Variants in ICE2 observed in about 807,000 individuals in gnomAD.
ICE2 encodes the protein little elongation complex subunit 2.
Under a neutral mutation model 105.4 loss-of-function variants are expected in ICE2, and 87 were observed. That is an observed-to-expected ratio of 0.83 (90% confidence interval 0.69 to 0.99). The LOEUF is 0.99. Among genes scored for constraint, ICE2 ranks in the 50% least tolerant of loss-of-function variants. The probability of loss-of-function intolerance (pLI) is 0.00; values close to 1 mark genes in which losing one functional copy is unlikely to be tolerated. For missense variants in ICE2, 1,323 were observed against 1,146.7 expected (o/e 1.15, Z -2.22); for synonymous variants, 399 against 392.0 (o/e 1.02, Z -0.21).
chr15:60,449,274 C>G lies in ICE2; in HGVS notation c.1693G>C (p.Asp565His), dbSNP rs1265148879. 1 of 1,613,376 alleles carries G rather than the reference C, an allele frequency of 6.2e-7. No individual in the cohort carries two copies. Among genetic ancestry groups the G allele is most frequent in the South Asian group, 1.1e-5 (1 of 91,052 alleles). ...TVGSEAAKTE[D>H]TVLCSSDTDE... is the part of the protein sequence containing the mutation. ...GTATCACTGCTGCAGAGAACTGTATCTTCAGTTTTTGCTGCTTCTGATCCA... is the reference window on the plus strand; with the variant it reads ...GTATCACTGCTGCAGAGAACTGTATGTTCAGTTTTTGCTGCTTCTGATCCA... Residue 565 changes from aspartate to histidine, a missense_variant, in exon 10 of 16, where the codon GAT (aspartate) becomes CAT (histidine). Asp to His is a moderately conservative substitution (Grantham distance 81). Coordinates refer to ENST00000261520, the MANE Select transcript of ICE2 (RefSeq NM_024611.6).
chr15:60,453,210 T>C, intron 9 of ICE2: 1 of 997,548 alleles, frequency 1.0e-6, no homozygotes, highest in African/African-American at 1.7e-5. Context: ...CCAGCCTGGG[T>C]GGCAGGGTGA....
At chr15:60,455,761 G>C (rs1040462597) in intron 6 of ICE2, among the ~76,000 whole-genome samples, 1 of 152,192 alleles carries the variant, frequency 6.6e-6, no homozygotes, top group East Asian at 1.9e-4. Flanking sequence ...GGGATAACAG[G>C]TGTGTGCCAG....
intron 9 of ICE2, chr15:60,452,751 T>C: frequency 1.9e-6 from 1 of 516,116 alleles, no homozygotes. Context: ...CATTTAAACC[T>C]AAACAATCCT....
intron 5 of ICE2, among the ~76,000 whole-genome samples, chr15:60,457,054 AAGAAACT>A (rs923719905): frequency 7.9e-5 from 12 of 152,164 alleles, no homozygotes; most frequent in African/African-American, 2.2e-4. Context: ...CATGTCATTT[AAGAAACT>A]GTTAAAGGCA....
In ICE2 at chr15:60,449,679, C is replaced by A. The variant is rs2063914526; in HGVS notation, c.1288G>T (p.Asp430Tyr). The A allele has an allele frequency of 6.2e-7, 1 of 1,613,988 alleles. No individual in the cohort carries two copies. Among genetic ancestry groups the A allele is most frequent in the Admixed American group, 1.7e-5 (1 of 60,004 alleles). Residue 430 changes from aspartate (D) to tyrosine (Y), a missense_variant, in exon 10 of 16, where the codon GAT (aspartate) becomes TAT (tyrosine). Transcript: ENST00000261520. ...CCTGCTTTGGGGGCTGTAGGAGCATCTGTCATGTTAGGTACTGTGGAAGTA... is the reference window on the plus strand; with the variant it reads ...CCTGCTTTGGGGGCTGTAGGAGCATATGTCATGTTAGGTACTGTGGAAGTA... ...ASTSTVPNMT[D>Y]APTAPKAGTT...
Position 60,451,044 on chromosome 15 carries a change from T to C in ICE2, c.1126-1203A>G, listed in dbSNP as rs1055169845. ...AGAATTCAAAGCAAGAAGCGTTATATAGAAAAGGGAGAAATGCTAGTTTGA... is the reference window on the plus strand; with the variant it reads ...AGAATTCAAAGCAAGAAGCGTTATACAGAAAAGGGAGAAATGCTAGTTTGA... On this transcript the variant is annotated intron_variant, in intron 9 of 15. Coordinates refer to ENST00000261520, the MANE Select transcript of ICE2 (RefSeq NM_024611.6). 4.7e-5 allele frequency: 20 copies of C among 428,770 alleles called. No individual in the cohort carries two copies. The East Asian group carries it at 9.4e-4, about 20-fold the overall frequency. The allele number at this position is 428,770 out of a possible 1,614,324, so 26.6% of individuals were successfully genotyped here. A position where few individuals can be genotyped will look rare whatever the true frequency, so the allele number is the denominator to read the frequency against.
intron 11 of ICE2, chr15:60,445,864 A>C: frequency 4.3e-6 from 3 of 692,618 alleles, no homozygotes; most frequent in Non-Finnish European, 5.3e-6. Context: ...CCTCAAAATA[A>C]ATCAGAGAGA....
At chr15:60,433,843 G>C (rs1474745522) in intron 13 of ICE2, among the ~76,000 whole-genome samples, 1 of 152,082 alleles carries the variant, frequency 6.6e-6, no homozygotes, top group African/African-American at 2.4e-5. Flanking sequence ...AAGCGAGGCA[G>C]GTGGAGAGTA....
chr15:60,478,688 G>C lies in ICE2; in HGVS notation c.-93+315C>G, dbSNP rs190957743. ...AATCAAATTTAGGAGTCGGTCTCTCGACACCGAACGGGCCCGACCGGCTCC... is the reference window on the plus strand; with the variant it reads ...AATCAAATTTAGGAGTCGGTCTCTCCACACCGAACGGGCCCGACCGGCTCC... On this transcript the variant is annotated intron_variant, in intron 1 of 15. Coordinates refer to ENST00000261520, the MANE Select transcript of ICE2 (RefSeq NM_024611.6). 1.8e-3 allele frequency: 616 copies of C among 335,242 alleles called. 5 individuals carry two copies. Among genetic ancestry groups the C allele is most frequent in the African/African-American group, 0.012 (561 of 45,706 alleles). The allele number at this position is 335,242 out of a possible 1,614,324, so 20.8% of individuals were successfully genotyped here.
rs769706979 is a variant in ICE2 at position 60,476,157 on chromosome 15, G to A, written c.52C>T (p.Pro18Ser). 1.3e-6 allele frequency: 2 copies of A among 1,592,676 alleles called. No individual in the cohort carries two copies. The highest frequency in any genetic ancestry group is 1.7e-6 in the Non-Finnish European group (2 of 1,168,448). ...AAAAATGTCTTAAGGCCATTTTTGG[G>A]GGAAATATCCCTGTGAAACAAAGTA... is the stretch of plus-strand genomic sequence containing the variant. ...SEPGLNWDIS[P>S]KNGLKTFFSR... The change falls in exon 3 of 16, where the codon CCC (proline) becomes TCC (serine). Residue 18 changes from proline to serine, a missense_variant. Coordinates refer to ENST00000261520, the MANE Select transcript of ICE2 (RefSeq NM_024611.6).
At chr15:60,467,952 T>A in intron 4 of ICE2, 109 bp downstream of exon 4, 1 of 1,032,806 alleles carries the variant, frequency 9.7e-7, no homozygotes, top group South Asian at 2.0e-5. Flanking sequence ...CCTTACGTTT[T>A]CCATTTTAAA....
chr15:60,473,277 T>TGA lies in ICE2; in HGVS notation c.146+2784_146+2785dup, dbSNP rs891370955. Among the ~76,000 whole-genome samples, 9 of 151,414 alleles carry TGA rather than the reference T, an allele frequency of 5.9e-5. No homozygotes were observed. The South Asian group carries it at 1.7e-3, about 28-fold the overall frequency. On this transcript the variant is annotated intron_variant, in intron 3 of 15. Coordinates refer to ENST00000261520, the MANE Select transcript of ICE2 (RefSeq NM_024611.6). ...TTGTGTGTGTGTGTGAGTGAGTGAG[T>TGA]GAGAGAGAGAGACACACACACAGAG...
At chr15:60,477,054 T>C (rs1461631459) in intron 2 of ICE2, among the ~76,000 whole-genome samples, 2 of 152,350 alleles carry the variant, frequency 1.3e-5, no homozygotes, top group East Asian at 3.9e-4. Context: ...TAGGAAATTC[T>C]AGCATATTTG....
rs1387097549 is a variant in ICE2 at position 60,449,783 on chromosome 15, T to C, written c.1184A>G (p.Asp395Gly). Reference sequence around the variant, plus strand: ...AAGTTCTGTGACATCATCATCAAAATCCAAATACAAGTTTTCAAGACTCTC... The same window carrying C: ...AAGTTCTGTGACATCATCATCAAAACCCAAATACAAGTTTTCAAGACTCTC... ...KIESLENLYL[D>G]FDDDVTELET... Residue 395 changes from aspartate to glycine, a missense_variant, in exon 10 of 16, where the codon GAT becomes GGT. By Grantham distance (94) the Asp-to-Gly change is moderately conservative. Coordinates refer to ENST00000261520, the MANE Select transcript of ICE2 (RefSeq NM_024611.6). 6.2e-6 allele frequency: 10 copies of C among 1,614,028 alleles called. No individual in the cohort carries two copies. The East Asian group carries it at 6.7e-5, about 11-fold the overall frequency.
intron 9 of ICE2, among the ~76,000 whole-genome samples, chr15:60,450,772 G>C (rs1228224279): frequency 6.6e-6 from 1 of 152,194 alleles, no homozygotes; most frequent in Non-Finnish European, 1.5e-5. Context: ...TAAAGATTAA[G>C]TGAGAAATTA....
At chr15:60,453,252 T>C (rs749012103) in intron 9 of ICE2, 11 of 1,017,116 alleles carry the variant, frequency 1.1e-5, no homozygotes, top group Admixed American at 5.5e-5. Context: ...AACTCTTGAA[T>C]ATGAATGAGA....
intron 13 of ICE2, among the ~76,000 whole-genome samples, chr15:60,433,092 T>G (rs8029829): frequency 0.27 from 41,028 of 151,418 alleles, 5,840 homozygotes; most frequent in Middle Eastern, 0.45. Context: ...CACAGGTTTT[T>G]TTTTTTTTTT....
rs371216937 is a variant in ICE2 at position 60,478,019 on chromosome 15, T to C, written c.-42A>G. ...TTCACTCTAGCTCACAGTTCACAGC[T>C]GCCTGGCTGCGAAGGCTCCAAGAGG... On this transcript the variant is annotated 5_prime_UTR_variant, in exon 2 of 16. Transcript: ENST00000261520. 5 of 1,591,102 alleles carry C rather than the reference T, an allele frequency of 3.1e-6. No homozygotes were observed. Among genetic ancestry groups the C allele is most frequent in the African/African-American group, 1.3e-5 (1 of 74,496 alleles).
intron 8 of ICE2, among the ~76,000 whole-genome samples, chr15:60,454,395 TA>T (rs1200342308): frequency 6.6e-5 from 10 of 152,344 alleles, no homozygotes; most frequent in Admixed American, 6.5e-4. Context: ...GGTTGTCTAC[TA>T]AAGTACTACG....
Sources: gnomAD v4.1 joint callset for allele counts (sites outside exome capture counted in the v4.1 genomes callset) on GRCh38, gnomAD v4.1.1 for gene constraint, MANE v1.5 for transcripts, NCBI Gene and HGNC (gene_info 2026-07-23, HGNC 2026-07-21) for gene names.